The following MYPN variants were observed in gnomAD, a reference collection of about 807,000 sequenced individuals.
MYPN encodes the protein myopalladin.
A neutral mutation model predicts 129.4 loss-of-function variants in MYPN; 63 were observed. That is an observed-to-expected ratio of 0.49 (90% CI 0.40 to 0.60). The LOEUF (loss-of-function observed/expected upper bound fraction) is 0.60. Ranked by LOEUF, MYPN falls within the 20% of genes least tolerant of loss-of-function variation. The pLI is 0.00. For synonymous variants in MYPN, 629 were observed against 600.9 expected, an observed-to-expected ratio of 1.05 and a Z score of -0.68; for missense variants, 1,596 against 1,635.4, an observed-to-expected ratio of 0.98 and a Z score of 0.42.
chr10:68,181,568 G>A (rs1311469523), intron 12 of MYPN, among the ~76,000 whole-genome samples: 4 of 152,122 alleles, frequency 2.6e-5, no homozygotes, highest in Non-Finnish European at 5.9e-5. Flanking sequence ...GGGATTACAG[G>A]CATGAGCCAC....
intron 4 of MYPN, among the ~76,000 whole-genome samples, chr10:68,146,552 C>T (rs2134081395): frequency 6.6e-6 from 1 of 152,236 alleles, no homozygotes; most frequent in East Asian, 1.9e-4. Context: ...CGTTGTGTAT[C>T]ATAGAGACTC....
intron 18 of MYPN, among the ~76,000 whole-genome samples, chr10:68,204,567 A>C (rs1417284313): frequency 6.6e-6 from 1 of 151,982 alleles, no homozygotes; most frequent in Non-Finnish European, 1.5e-5. Flanking sequence ...ACTATACAAA[A>C]ATTAGCCAGG....
intron 15 of MYPN, among the ~76,000 whole-genome samples, chr10:68,196,353 C>T (rs892411000): frequency 6.6e-6 from 1 of 152,068 alleles, no homozygotes; most frequent in Non-Finnish European, 1.5e-5. Flanking sequence ...TACGGTGCCA[C>T]GAAGTCTTAG....
At chr10:68,099,957 T>C (rs1327908116) in intron 1 of MYPN, among the ~76,000 whole-genome samples, 1 of 152,186 alleles carries the variant, frequency 6.6e-6, no homozygotes, top group Non-Finnish European at 1.5e-5. Flanking sequence ...GCTTCGGCGT[T>C]GTATGGACCT....
At chr10:68,120,018 T>C (rs2042219895) in intron 1 of MYPN, among the ~76,000 whole-genome samples, 1 of 152,222 alleles carries the variant, frequency 6.6e-6, no homozygotes, top group South Asian at 2.1e-4. Flanking sequence ...AGTTCTATTA[T>C]AGGATGTTAA....
intron 2 of MYPN, among the ~76,000 whole-genome samples, chr10:68,131,009 G>A (rs554475909): frequency 4.1e-4 from 62 of 152,092 alleles, no homozygotes; most frequent in Non-Finnish European, 8.2e-4. Flanking sequence ...CACAGCTCTT[G>A]GTTTCCAAAT....
At chr10:68,124,876 G>T (rs1273507277) in intron 2 of MYPN, among the ~76,000 whole-genome samples, 1 of 152,180 alleles carries the variant, frequency 6.6e-6, no homozygotes, top group Non-Finnish European at 1.5e-5. Flanking sequence ...GATACTCCCT[G>T]GGACTCTGGT....
In MYPN at chr10:68,201,853, T is replaced by A. The variant is rs781710211; in HGVS notation, c.3518T>A (p.Val1173Glu). 6.2e-7 allele frequency: 1 copy of A among 1,613,842 alleles called. No homozygotes were observed. Among genetic ancestry groups the A allele is most frequent in the South Asian group, 1.1e-5 (1 of 91,062 alleles). The change falls in exon 18 of 20, where the codon GTG becomes GAG. Residue 1173 changes from valine to glutamate, a missense_variant. Val to Glu is a moderately radical substitution (Grantham distance 121). Transcript: ENST00000358913. ...GCCAAAGAGGTGAAGAAAGCACCTG[T>A]GATCCTGGAGAAACTACAGAACTGC... is the stretch of plus-strand genomic sequence containing the variant. ...VVAKEVKKAP[V>E]ILEKLQNCGV...
intron 13 of MYPN, among the ~76,000 whole-genome samples, chr10:68,191,586 C>T (rs1394929259): frequency 1.3e-5 from 2 of 152,228 alleles, no homozygotes; most frequent in East Asian, 1.9e-4. Context: ...CTGTATATCA[C>T]GTTGAGCAGT....
chr10:68,209,358 C>T (rs190438878), intron 19 of MYPN, among the ~76,000 whole-genome samples: 1 of 152,188 alleles, frequency 6.6e-6, no homozygotes, highest in East Asian at 1.9e-4. Flanking sequence ...GTCCCTGAAC[C>T]ATGGTTGATT....
At chr10:68,133,968 A>G (rs1336028027) in intron 2 of MYPN, among the ~76,000 whole-genome samples, 1 of 152,090 alleles carries the variant, frequency 6.6e-6, no homozygotes, top group Non-Finnish European at 1.5e-5. Flanking sequence ...AGATTTTCAA[A>G]AAGCTAAGAA....
chr10:68,135,581 C>A, intron 2 of MYPN: 1 of 638,068 alleles, frequency 1.6e-6, no homozygotes, highest in Non-Finnish European at 1.9e-6. Context: ...AGAGATCAAG[C>A]ATTGCTAAAT....
chr10:68,166,380 C>G lies in MYPN; in HGVS notation c.1687C>G (p.Pro563Ala). The G allele has an allele frequency of 1.2e-6, 2 of 1,614,162 alleles. 1 individual carries two copies. The highest frequency in any genetic ancestry group is 2.2e-5 in the South Asian group (2 of 91,076). The part of the protein sequence containing the change: ...LAAIEPQPSP[P>A]HSEPPSVEQP... ...AGCTATTGAGCCACAGCCCTCCCCA[C>G]CCCACTCAGAGCCTCCATCTGTGGA... is the stretch of plus-strand genomic sequence containing the variant. The change falls in exon 10 of 20, where the codon CCC becomes GCC. Residue 563 changes from proline to alanine, a missense_variant. Coordinates refer to ENST00000358913, the MANE Select transcript of MYPN (RefSeq NM_032578.4).
At chr10:68,156,403 G>T (rs2042874334) in intron 6 of MYPN, among the ~76,000 whole-genome samples, 1 of 152,134 alleles carries the variant, frequency 6.6e-6, no homozygotes, top group Non-Finnish European at 1.5e-5. Flanking sequence ...TTCCATTCTT[G>T]TCGTTAGTAG....
At chr10:68,191,219 T>TC (rs893943064) in intron 13 of MYPN, among the ~76,000 whole-genome samples, 3 of 151,232 alleles carry the variant, frequency 2.0e-5, no homozygotes, top group African/African-American at 7.3e-5. Context: ...TCTATTTCTT[T>TC]TTTTTTTTTC....
At chr10:68,118,640 C>T (rs907435943) in intron 1 of MYPN, among the ~76,000 whole-genome samples, 19 of 152,034 alleles carry the variant, frequency 1.2e-4, no homozygotes, top group African/African-American at 4.6e-4. Flanking sequence ...TGGAGACCAG[C>T]CTGGGCAACA....
intron 1 of MYPN, among the ~76,000 whole-genome samples, chr10:68,098,206 TC>T (rs1170180568): frequency 5.9e-5 from 9 of 151,946 alleles, no homozygotes; most frequent in Non-Finnish European, 1.3e-4. Context: ...AGATTGCGCC[TC>T]TGCACTCCAG....
chr10:68,129,228 A>T (rs2042372704), intron 2 of MYPN, among the ~76,000 whole-genome samples: 1 of 152,174 alleles, frequency 6.6e-6, no homozygotes. Flanking sequence ...TTTGTTGAAG[A>T]TAAGCAATGT....
At chr10:68,112,936 G>A (rs143637187) in intron 1 of MYPN, among the ~76,000 whole-genome samples, 12 of 152,238 alleles carry the variant, frequency 7.9e-5, no homozygotes, top group Middle Eastern at 3.4e-3. Flanking sequence ...ACTGGTTCCC[G>A]TTCACTGGGA....
Sources: gnomAD v4.1 joint callset for allele counts (sites outside exome capture counted in the v4.1 genomes callset) on GRCh38, gnomAD v4.1.1 for gene constraint, MANE v1.5 for transcripts, NCBI Gene and HGNC (gene_info 2026-07-23, HGNC 2026-07-21) for gene names.